The following HIVEP2 variants were observed in gnomAD, a reference collection of about 807,000 sequenced individuals.
HIVEP2 encodes HIVEP zinc finger 2.
Under a neutral mutation model 180.7 loss-of-function variants are expected in HIVEP2, and 14 were observed. That is an observed-to-expected ratio of 0.08 (90% CI 0.05 to 0.12). The LOEUF (loss-of-function observed/expected upper bound fraction) is 0.12, where lower values mean the gene tolerates loss of function less well. Among genes scored for constraint, HIVEP2 ranks in the 10% least tolerant of loss-of-function variants. The pLI is 1.00. For synonymous variants in HIVEP2, 1,184 were observed against 1,136.4 expected (o/e 1.04, Z -0.84); for missense variants, 2,579 against 3,008.5 (o/e 0.86, Z 3.34).
intron 1 of HIVEP2, among the ~76,000 whole-genome samples, chr6:142,925,724 A>G (rs996020795): frequency 1.2e-4 from 18 of 152,258 alleles, no homozygotes; most frequent in African/African-American, 3.6e-4. Flanking sequence ...GAAAGCATAC[A>G]TAAGTCAGCG....
At chr6:142,895,117 TTTTAAC>T (rs1421262578) in intron 1 of HIVEP2, among the ~76,000 whole-genome samples, 1 of 152,236 alleles carries the variant, frequency 6.6e-6, no homozygotes, top group East Asian at 1.9e-4. Flanking sequence ...TAGAGCTACA[TTTTAAC>T]TTTAACACTT....
intron 1 of HIVEP2, among the ~76,000 whole-genome samples, chr6:142,916,900 T>C (rs1199904063): frequency 6.6e-6 from 1 of 152,232 alleles, no homozygotes; most frequent in East Asian, 1.9e-4. Flanking sequence ...ACTGTTTTAA[T>C]TGTATACCAT....
intron 2 of HIVEP2, among the ~76,000 whole-genome samples, chr6:142,791,108 T>C (rs1176045252): frequency 1.3e-5 from 2 of 152,196 alleles, no homozygotes. Context: ...GAAATTGGTC[T>C]GTGTGCCTGT....
chr6:142,923,701 C>T (rs1777734334), intron 1 of HIVEP2, among the ~76,000 whole-genome samples: 1 of 152,162 alleles, frequency 6.6e-6, no homozygotes, highest in Non-Finnish European at 1.5e-5. Context: ...ACTCAGGGCC[C>T]TTCTGAGCTT....
At chr6:142,818,813 A>T (rs1776945319) in intron 2 of HIVEP2, among the ~76,000 whole-genome samples, 1 of 151,466 alleles carries the variant, frequency 6.6e-6, no homozygotes, top group Non-Finnish European at 1.5e-5. Context: ...AAAGAAAAGA[A>T]AAAAAAAGCT....
At chr6:142,918,413 G>A (rs1041506930) in intron 1 of HIVEP2, among the ~76,000 whole-genome samples, 8 of 152,188 alleles carry the variant, frequency 5.3e-5, no homozygotes, top group South Asian at 2.1e-4. Context: ...GAGTTGCCAC[G>A]AATGTGGATG....
intron 2 of HIVEP2, among the ~76,000 whole-genome samples, chr6:142,796,553 A>G (rs2114742489): frequency 6.6e-6 from 1 of 152,264 alleles, no homozygotes; most frequent in East Asian, 1.9e-4. Context: ...AGTTTTCATC[A>G]TCTGTTTACA....
Position 142,837,055 on chromosome 6 carries a change from GA to G in HIVEP2, c.-640-9del, listed in dbSNP as rs1288697656. ...AAAATTCAAAGGCTCCACCTAATGA[GA>G]AAAAAACAAAGAACTACATTTAAAC... On this transcript the variant is annotated splice_polypyrimidine_tract_variant and intron_variant, in intron 1 of 9. Transcript: ENST00000367603. The G allele has an allele frequency of 6.6e-6, 1 of 151,874 alleles. No individual in the cohort carries two copies. Among genetic ancestry groups the G allele is most frequent in the African/African-American group, 2.4e-5 (1 of 41,356 alleles). 9.4% of individuals were successfully genotyped at this position (151,874 alleles called of 1,614,324 possible).
rs1291443147 is a variant in HIVEP2, at chr6:142,752,316, T to G, written c.*791A>C. 1 of 152,620 alleles carries G rather than the reference T, an allele frequency of 6.6e-6. No homozygotes were observed. The highest frequency in any genetic ancestry group is 1.5e-5 in the Non-Finnish European group (1 of 68,038). 9.5% of individuals were successfully genotyped at this position (152,620 alleles called of 1,614,324 possible). ...CTGATTTATAAAGCTTTGAAAAAAC[T>G]CACAATAGCACATTGTTTACTTTAA... On this transcript the variant is annotated 3_prime_UTR_variant, in exon 10 of 10. Coordinates refer to ENST00000367603, the MANE Select transcript of HIVEP2 (RefSeq NM_006734.4).
In HIVEP2 at chr6:142,763,633, C is replaced by T. The variant is rs560792594; in HGVS notation, c.5518+1166G>A. 5.3e-5 allele frequency among the ~76,000 whole-genome samples: 8 copies of T among 152,260 alleles called. No individual in the cohort carries two copies. The East Asian group carries it at 1.4e-3, about 26-fold the overall frequency. ...ATGCCCAGTGAAGATATGTATCATT[C>T]GTAATGACTATTGAATTGCAATATT... On this transcript the variant is annotated intron_variant, in intron 7 of 9. Coordinates refer to ENST00000367603, the MANE Select transcript of HIVEP2 (RefSeq NM_006734.4).
chr6:142,820,388 GT>G (rs1455248677), intron 2 of HIVEP2, among the ~76,000 whole-genome samples: 1 of 150,438 alleles, frequency 6.6e-6, no homozygotes. Context: ...TTCTGTTTTG[GT>G]TGGTATTGGT....
intron 2 of HIVEP2, among the ~76,000 whole-genome samples, chr6:142,803,148 T>A (rs931904472): frequency 6.6e-6 from 1 of 152,164 alleles, no homozygotes; most frequent in Non-Finnish European, 1.5e-5. Flanking sequence ...CTAAAAGAAA[T>A]CTATGAAGTA....
intron 1 of HIVEP2, among the ~76,000 whole-genome samples, chr6:142,892,997 A>T (rs1197087547): frequency 6.6e-6 from 1 of 152,260 alleles, no homozygotes; most frequent in Non-Finnish European, 1.5e-5. Context: ...AGCCCCTTCC[A>T]ATAATGTCTA....
chr6:142,876,615 T>A (rs1776445466), intron 1 of HIVEP2, among the ~76,000 whole-genome samples: 1 of 152,176 alleles, frequency 6.6e-6, no homozygotes. Flanking sequence ...TGAGTGCCAC[T>A]AATCCCAAGA....
chr6:142,822,425 C>G lies in HIVEP2; in HGVS notation c.-528+14510G>C, dbSNP rs993390260. 3.3e-5 allele frequency among the ~76,000 whole-genome samples: 5 copies of G among 152,276 alleles called. No individual in the cohort carries two copies. In the South Asian group the frequency reaches 8.3e-4, roughly 25 times the overall value. On this transcript the variant is annotated intron_variant, in intron 2 of 9. Transcript: ENST00000367603. ...AATATTCACCATAATTCGGAGTAGT[C>G]ATAATCATAAAGACACTTTGAGATA...
chr6:142,931,719 C>T (rs1196889306), intron 1 of HIVEP2, among the ~76,000 whole-genome samples: 4 of 152,132 alleles, frequency 2.6e-5, no homozygotes, highest in Non-Finnish European at 2.9e-5. Context: ...TAGAAATTTT[C>T]ACATACTTAT....
Position 142,772,367 on chromosome 6 carries a change from C to T in HIVEP2, c.2372G>A (p.Gly791Asp), listed in dbSNP as rs755585640. 1.9e-6 allele frequency: 3 copies of T among 1,614,230 alleles called. No individual in the cohort carries two copies. The highest frequency in any genetic ancestry group is 1.3e-5 in the African/African-American group (1 of 75,048). Residue 791 changes from glycine (G) to aspartate (D), a missense_variant, in exon 5 of 10, where the codon GGC (glycine) becomes GAC (aspartate). Gly to Asp is a moderately conservative substitution (Grantham distance 94). This residue lies in a region of HIVEP2 where 524 missense variants were observed against 563.6 expected (regional missense o/e 0.93). Coordinates refer to ENST00000367603, the MANE Select transcript of HIVEP2 (RefSeq NM_006734.4). This position sits in a 1 kb window ranked among gnomAD's most constrained non-coding sequence, Gnocchi z 4.9. ...IDSDKMSDLG[G>D]RKPPGNVISV... The stretch of plus-strand genomic sequence containing the variant: ...AATCACATTTCCAGGAGGTTTCCTG[C>T]CCCCTAGGTCTGACATCTTGTCTGA...
At chr6:142,845,372 C>A (rs1418178174) in intron 1 of HIVEP2, among the ~76,000 whole-genome samples, 2 of 152,138 alleles carry the variant, frequency 1.3e-5, no homozygotes, top group African/African-American at 4.8e-5. Flanking sequence ...CTTCTGAAAA[C>A]AATTAATCAA....
chr6:142,753,105 G>C lies in HIVEP2; in HGVS notation c.*2C>G. On this transcript the variant is annotated 3_prime_UTR_variant, in exon 10 of 10. Coordinates refer to ENST00000367603, the MANE Select transcript of HIVEP2 (RefSeq NM_006734.4). ...GAAATGAAAGTCTCCATGCATCATA[G>C]ATCAATGTAGCTGACTCTTTTCTGA... The C allele has an allele frequency of 6.5e-7, 1 of 1,544,532 alleles. No homozygotes were observed. The highest frequency in any genetic ancestry group is 2.2e-5 in the East Asian group (1 of 44,604).
Sources: allele counts gnomAD v4.1 joint callset (sites outside exome capture counted in the v4.1 genomes callset), GRCh38; gene constraint gnomAD v4.1.1; regional missense constraint gnomAD v4.1.1; non-coding constraint Gnocchi (gnomAD v3.1); transcripts MANE v1.5; gene names NCBI Gene and HGNC (gene_info 2026-07-23, HGNC 2026-07-21).